Variants in TGFBR2 observed in about 807,000 individuals in gnomAD.
The protein encoded by TGFBR2 is TGF-beta receptor type-2.
In TGFBR2, 18 loss-of-function variants were observed where a neutral mutation model predicts 49.0. That is an observed-to-expected ratio of 0.37 (90% CI 0.25 to 0.54). The LOEUF is 0.54. Among genes scored for constraint, TGFBR2 ranks in the 20% least tolerant of loss-of-function variants. The pLI is 0.85. For synonymous variants in TGFBR2, 282 were observed against 275.9 expected (o/e 1.02, Z -0.22); for missense variants, 525 against 722.6 (o/e 0.73, Z 3.13).
chr3:30,646,063 A>T (rs532415940), intron 2 of TGFBR2, among the ~76,000 whole-genome samples: 3 of 152,288 alleles, frequency 2.0e-5, no homozygotes, highest in South Asian at 2.1e-4. Flanking sequence ...GGCCATTTTA[A>T]AAAAAGTAAC....
chr3:30,651,338 A>C (rs1478555315), intron 3 of TGFBR2, among the ~76,000 whole-genome samples: 2 of 152,082 alleles, frequency 1.3e-5, no homozygotes, highest in East Asian at 3.9e-4. Flanking sequence ...TCATTCATTC[A>C]TATTATCTCC....
intron 1 of TGFBR2, among the ~76,000 whole-genome samples, chr3:30,636,577 A>G (rs115345689): frequency 7.2e-5 from 11 of 152,204 alleles, no homozygotes; most frequent in African/African-American, 9.7e-5. Context: ...TAGAAAATTC[A>G]AAAGTAACAG....
chr3:30,691,654 A>T lies in TGFBR2; in HGVS notation c.*55A>T. 5 of 1,608,734 alleles carry T rather than the reference A, an allele frequency of 3.1e-6. No individual in the cohort carries two copies. The highest frequency in any genetic ancestry group is 3.4e-6 in the Non-Finnish European group (4 of 1,175,614). ...AAGAGGCTGCCCCTCTCACCAAAGA[A>T]CAGAGGCAGCAGGAAGCTGCCCCTG... On this transcript the variant is annotated 3_prime_UTR_variant, in exon 7 of 7. Coordinates refer to ENST00000295754, the MANE Select transcript of TGFBR2 (RefSeq NM_003242.6).
At chr3:30,610,815 C>A (rs1220551269) in intron 1 of TGFBR2, among the ~76,000 whole-genome samples, 3 of 152,214 alleles carry the variant, frequency 2.0e-5, no homozygotes, top group African/African-American at 7.2e-5. Context: ...CCAGGGGCCT[C>A]TGACCTGGTT....
chr3:30,681,445 C>T (rs923426582), intron 5 of TGFBR2, among the ~76,000 whole-genome samples: 2 of 152,108 alleles, frequency 1.3e-5, no homozygotes, highest in African/African-American at 4.8e-5. Context: ...CCGAGGAATA[C>T]CATTGCTGTC....
At chr3:30,651,375 CCT>C (rs1412595111) in intron 3 of TGFBR2, among the ~76,000 whole-genome samples, 3 of 152,092 alleles carry the variant, frequency 2.0e-5, no homozygotes, top group East Asian at 1.9e-4. Flanking sequence ...CCAATCTCTC[CCT>C]GTCTTCCTTT....
Position 30,688,446 on chromosome 3 carries a change from A to C in TGFBR2, c.1459A>C (p.Met487Leu), listed in dbSNP as rs767120937. 13 of 1,614,106 alleles carry C rather than the reference A, an allele frequency of 8.1e-6. No homozygotes were observed. The highest frequency in any genetic ancestry group is 1.1e-5 in the Non-Finnish European group (13 of 1,180,032). Reference sequence around the variant, plus strand: ...GCGGGAGCACCCCTGTGTCGAAAGCATGAAGGACAACGTGTTGAGAGATCG... The same window carrying C: ...GCGGGAGCACCCCTGTGTCGAAAGCCTGAAGGACAACGTGTTGAGAGATCG... Reference protein sequence around the residue: ...KVREHPCVESMKDNVLRDRGR... With the variant: ...KVREHPCVESLKDNVLRDRGR... Residue 487 changes from methionine (M) to leucine (L), a missense_variant, in exon 6 of 7, where the codon ATG becomes CTG. Met to Leu is a conservative substitution (Grantham distance 15, BLOSUM62 2). This residue lies in a region of TGFBR2 where 104 missense variants were observed against 133.4 expected (regional missense o/e 0.78). Transcript: ENST00000295754.
chr3:30,620,298 T>C (rs981139117), intron 1 of TGFBR2, among the ~76,000 whole-genome samples: 2 of 152,208 alleles, frequency 1.3e-5, no homozygotes, highest in African/African-American at 4.8e-5. Context: ...ATTCTGTTTA[T>C]GTGTTTTGTT....
chr3:30,682,061 G>A (rs1443145550), intron 5 of TGFBR2, among the ~76,000 whole-genome samples: 1 of 152,174 alleles, frequency 6.6e-6, no homozygotes, highest in Non-Finnish European at 1.5e-5. Context: ...CAGTTTGCTG[G>A]AGGGCTGCTC....
intron 1 of TGFBR2, chr3:30,626,383 G>C (rs1053179103): frequency 8.5e-5 from 13 of 152,522 alleles, no homozygotes; most frequent in African/African-American, 3.1e-4. Flanking sequence ...ACCAAAACCG[G>C]AGGAGGCAGA....
At chr3:30,623,373 C>A in intron 1 of TGFBR2, 3 of 1,430,622 alleles carry the variant, frequency 2.1e-6, no homozygotes, top group African/African-American at 1.4e-5. Context: ...AATCTATAGT[C>A]TCCTCGTATT....
rs922851130 is a variant in TGFBR2, at chr3:30,692,903, G to C, written c.*1304G>C. 4.7e-5 allele frequency: 11 copies of C among 233,114 alleles called. No individual in the cohort carries two copies. The highest frequency in any genetic ancestry group is 2.2e-4 in the African/African-American group (10 of 45,332). The allele number at this position is 233,114 out of a possible 1,614,324, so 14.4% of individuals were successfully genotyped here. A position where few individuals can be genotyped will look rare whatever the true frequency, so the allele number is the denominator to read the frequency against. ...CAGTCCACGTTCACAAAATGTGAAG[G>C]TGTGGAGACACTTACAAAGCTGCCT... On this transcript the variant is annotated 3_prime_UTR_variant, in exon 7 of 7. Coordinates refer to ENST00000295754, the MANE Select transcript of TGFBR2 (RefSeq NM_003242.6).
At position 30,650,282 on chromosome 3, in the gene TGFBR2, C is replaced by T. The variant is rs774840447; in HGVS notation, c.276C>T (p.Asp92=). The change falls in exon 3 of 7, where the codon GAC becomes GAT. Residue 92 remains aspartate, a synonymous_variant. Coordinates refer to ENST00000295754, the MANE Select transcript of TGFBR2 (RefSeq NM_003242.6). ...CTCTTCACTCTAGGAGAAAGAATGA[C>T]GAGAACATAACACTAGAGACAGTTT... ...EVCVAVWRKN[D]ENITLETVCH... 53 of 1,613,718 alleles carry T rather than the reference C, an allele frequency of 3.3e-5. No individual in the cohort carries two copies. Among genetic ancestry groups the T allele is most frequent in the Middle Eastern group, 1.6e-4 (1 of 6,082 alleles).
In TGFBR2 at chr3:30,688,474, G is replaced by A. The variant is rs2125452105; in HGVS notation, c.1487G>A (p.Gly496Glu). 1 of 1,614,190 alleles carries A rather than the reference G, an allele frequency of 6.2e-7. No homozygotes were observed. Residue 496 changes from glycine to glutamate, a missense_variant, in exon 6 of 7, where the codon GGG becomes GAG. Around this residue, in one of 3 missense-constraint regions of TGFBR2, gnomAD observed 104 missense variants for 133.4 expected, o/e 0.78. Transcript: ENST00000295754. ...SMKDNVLRDR[G>E]RPEIPSFWLN... ...AAGGACAACGTGTTGAGAGATCGAG[G>A]GCGACCAGAAATTCCCAGCTTCTGG... is the stretch of plus-strand genomic sequence containing the variant.
At chr3:30,675,150 C>T (rs892759735) in intron 5 of TGFBR2, among the ~76,000 whole-genome samples, 2 of 152,104 alleles carry the variant, frequency 1.3e-5, no homozygotes, top group Admixed American at 6.5e-5. Context: ...CTTCTCAGTA[C>T]CTTGGAGGAC....
At position 30,692,262 on chromosome 3, in the gene TGFBR2, G is replaced by A. The variant is rs1194395744; in HGVS notation, c.*663G>A. On this transcript the variant is annotated 3_prime_UTR_variant, in exon 7 of 7. Transcript: ENST00000295754. ...GCACTGTTTGAGGACCAGTGTTCCC[G>A]GGGTTCCTGTGTGCCCTTATTTCTC... 8.7e-5 allele frequency: 20 copies of A among 229,492 alleles called. No homozygotes were observed. Among genetic ancestry groups the A allele is most frequent in the Middle Eastern group, 1.3e-3 (1 of 790 alleles). 14.2% of individuals were successfully genotyped at this position (229,492 alleles called of 1,614,324 possible).
chr3:30,672,580 C>CTCAAGGCAGA lies in TGFBR2; in HGVS notation c.1254+143_1254+144insTCAAGGCAGA. ...GAATCTAGCCAAAGTATGGAGTCTGCCTTGAGCATACTCTGCTCTGTCCTG... is the reference window on the plus strand; with the variant it reads ...GAATCTAGCCAAAGTATGGAGTCTGCTCAAGGCAGACTTGAGCATACTCTGCTCTGTCCTG... On this transcript the variant is annotated intron_variant, in intron 4 of 6. Transcript: ENST00000295754. The surrounding 1 kb of genome is among the most constrained non-coding windows in gnomAD (Gnocchi z 4.5). 1 of 925,352 alleles carries CTCAAGGCAGA rather than the reference C, an allele frequency of 1.1e-6. No homozygotes were observed. The highest frequency in any genetic ancestry group is 2.5e-5 in the East Asian group (1 of 40,644). 57.3% of individuals were successfully genotyped at this position (925,352 alleles called of 1,614,324 possible).
chr3:30,670,111 G>T (rs1699313276), intron 3 of TGFBR2, among the ~76,000 whole-genome samples: 1 of 152,084 alleles, frequency 6.6e-6, no homozygotes, highest in Admixed American at 6.5e-5. Flanking sequence ...CAGGTGCAGA[G>T]TGGTCAGTAT....
At chr3:30,608,273 A>G (rs1697969307) in intron 1 of TGFBR2, among the ~76,000 whole-genome samples, 1 of 152,172 alleles carries the variant, frequency 6.6e-6, no homozygotes. Context: ...TCCAAATAAC[A>G]GTATCTGCAG....
Sources: gnomAD v4.1 joint callset for allele counts (sites outside exome capture counted in the v4.1 genomes callset) on GRCh38, gnomAD v4.1.1 for gene constraint, gnomAD v4.1.1 regional missense constraint, Gnocchi (gnomAD v3.1) non-coding constraint, MANE v1.5 for transcripts, NCBI Gene and HGNC (gene_info 2026-07-23, HGNC 2026-07-21) for gene names.